The following TREM1 variants were observed in gnomAD, a reference collection of about 807,000 sequenced individuals.
TREM1 encodes the protein triggering receptor expressed on myeloid cells 1.
TREM1 carries 16 observed loss-of-function variants against 22.4 expected under a neutral mutation model. The ratio of observed to expected loss-of-function variants is 0.71; its 90% CI spans 0.48 to 1.08. The LOEUF (loss-of-function observed/expected upper bound fraction) is 1.08, where lower values mean the gene tolerates loss of function less well. TREM1 is among the 50% of genes least tolerant of loss of function. TREM1 has a pLI of 0.00. For synonymous variants in TREM1, 110 were observed against 111.6 expected (o/e 0.99, Z 0.09); for missense variants, 283 against 282.9 (o/e 1.00, Z 0.00).
At chr6:41,282,232 G>A in intron 2 of TREM1, 163 bp downstream of exon 2, 1 of 614,956 alleles carries the variant, frequency 1.6e-6, no homozygotes, top group Non-Finnish European at 2.9e-6. Flanking sequence ...AGAATCTCAT[G>A]CATGGAAGGT....
At chr6:41,270,987 C>A (rs1029347512), downstream of TREM1, among the ~76,000 whole-genome samples, 3 of 152,264 alleles carry the variant, frequency 2.0e-5, no homozygotes, top group East Asian at 5.8e-4. Context: ...ATTACAGGTG[C>A]GAGCCATAGC....
rs563886829 is a variant in TREM1, at chr6:41,279,995, C to T, written c.599+966G>A. The T allele has an allele frequency of 5.1e-6, 5 of 979,918 alleles. No homozygotes were observed. The Admixed American group carries it at 1.8e-4, about 36-fold the overall frequency. The allele number at this position is 979,918 out of a possible 1,614,324, so 60.7% of individuals were successfully genotyped here. A position where few individuals can be genotyped will look rare whatever the true frequency, so the allele number is the denominator to read the frequency against. On this transcript the variant is annotated intron_variant, in intron 3 of 3. Transcript: ENST00000244709. ...AGGCCAATGGTTATGTAAGTTATGGCTTTCCCAATTGATAGAAAAATATGC... is the reference window on the plus strand; with the variant it reads ...AGGCCAATGGTTATGTAAGTTATGGTTTTCCCAATTGATAGAAAAATATGC...
rs183024091 is a variant in TREM1, at chr6:41,282,037, T to C, written c.406+358A>G. ...CAGGTGGTCTGTGCCCACAGAAAGA[T>C]GTGAGAGGGGCTGCTTCAGAAGCAC... On this transcript the variant is annotated intron_variant, in intron 2 of 3. Transcript: ENST00000244709. 4.6e-5 allele frequency: 11 copies of C among 237,030 alleles called. No individual in the cohort carries two copies. In the Middle Eastern group the frequency reaches 0.011, roughly 239 times the overall value. The allele number at this position is 237,030 out of a possible 1,614,324, so 14.7% of individuals were successfully genotyped here.
Position 41,286,651 on chromosome 6 carries a change from C to T in TREM1, c.5G>A (p.Arg2Lys), listed in dbSNP as rs1476196885. 1 of 1,614,090 alleles carries T rather than the reference C, an allele frequency of 6.2e-7. No homozygotes were observed. The highest frequency in any genetic ancestry group is 8.5e-7 in the Non-Finnish European group (1 of 1,179,990). Residue 2 changes from arginine (R) to lysine (K), a missense_variant, in exon 1 of 4, where the codon AGG becomes AAG. Coordinates refer to ENST00000244709, the MANE Select transcript of TREM1 (RefSeq NM_018643.5). The part of the protein sequence containing the change: M[R>K]KTRLWGLLWM... ...CAGCAGCCCCCAGAGCCTGGTCTTC[C>T]TCATCCTTCCTGTGCACCAGCTCCA...
Position 41,282,453 on chromosome 6 carries a change from G to T in TREM1, c.348C>A (p.Tyr116Ter). ...EDSGLYQCVI[Y>*]QPPKEPHMLF... ...GCATGTGAGGCTCCTTGGGAGGCTG[G>T]TAGATCACACACTGATACAGTCCAG... Residue 116 changes from tyrosine (Y) to a stop codon, truncating the protein, a stop_gained, in exon 2 of 4, where the codon TAC (tyrosine) becomes TAA (stop). Transcript: ENST00000244709. LOFTEE classifies it high-confidence loss of function. 1 of 1,614,078 alleles carries T rather than the reference G, an allele frequency of 6.2e-7. No homozygotes were observed. Among genetic ancestry groups the T allele is most frequent in the Non-Finnish European group, 8.5e-7 (1 of 1,180,010 alleles).
chr6:41,276,416 T>C (rs1767673847), intron 3 of TREM1, among the ~76,000 whole-genome samples, 186 bp from the exon 4 acceptor site: 1 of 152,144 alleles, frequency 6.6e-6, no homozygotes, highest in South Asian at 2.1e-4. Context: ...TAGAAACAAT[T>C]CAGTGGAGAG....
intron 1 of TREM1, among the ~76,000 whole-genome samples, chr6:41,283,470 G>A (rs1768018673): frequency 6.6e-6 from 1 of 152,164 alleles, no homozygotes. Context: ...CACACTTTGG[G>A]AGGATGAGGA....
chr6:41,274,674 C>T lies in TREM1; in HGVS notation c.*1451G>A, dbSNP rs534162784. Among the ~76,000 whole-genome samples, 4 of 152,184 alleles carry T rather than the reference C, an allele frequency of 2.6e-5. No individual in the cohort carries two copies. The highest frequency in any genetic ancestry group is 6.5e-5 in the Admixed American group (1 of 15,274). Reference sequence around the variant, plus strand: ...ACACCTTCTAATGGGCTCAAAATTGCGGTTCAGAAATCATCTCTCTAGGGT... The same window carrying T: ...ACACCTTCTAATGGGCTCAAAATTGTGGTTCAGAAATCATCTCTCTAGGGT... On this transcript the variant is annotated 3_prime_UTR_variant, in exon 4 of 4. Transcript: ENST00000244709.
intron 2 of TREM1, 193 bp from the exon 3 acceptor site, chr6:41,281,346 G>T (rs1482843094): frequency 1.5e-6 from 1 of 645,498 alleles, no homozygotes; most frequent in African/African-American, 1.8e-5. Context: ...TAAAGCCAAA[G>T]AAATACTGTG....
chr6:41,280,895 GCA>G, intron 3 of TREM1, 64 bp downstream of exon 3: 3 of 1,611,280 alleles, frequency 1.9e-6, no homozygotes, highest in Non-Finnish European at 2.5e-6. Flanking sequence ...CATCCTCTCA[GCA>G]CACAGACTGG....
downstream of TREM1, among the ~76,000 whole-genome samples, chr6:41,272,357 C>G (rs748665294): frequency 1.3e-5 from 2 of 152,178 alleles, no homozygotes; most frequent in Non-Finnish European, 2.9e-5. Context: ...CCCTACAACC[C>G]GCAAGCCTGC....
intron 3 of TREM1, among the ~76,000 whole-genome samples, chr6:41,277,082 AC>A (rs1040211547): frequency 2.3e-4 from 35 of 152,008 alleles, no homozygotes; most frequent in East Asian, 1.2e-3. Context: ...TAAAAAAAAA[AC>A]AATCCAAGAA....
Position 41,274,459 on chromosome 6 carries a change from GC to G in TREM1, c.*1665del, listed in dbSNP as rs1767585289. ...CATAAACAGGAACAATGCTGGGATT[GC>G]TAAAGTGTGGGGTTCCAGACCAGCA... On this transcript the variant is annotated 3_prime_UTR_variant, in exon 4 of 4. Transcript: ENST00000244709. 6.6e-6 allele frequency among the ~76,000 whole-genome samples: 1 copy of G among 152,148 alleles called. No homozygotes were observed. Among genetic ancestry groups the G allele is most frequent in the African/African-American group, 2.4e-5 (1 of 41,440 alleles).
intron 3 of TREM1, among the ~76,000 whole-genome samples, chr6:41,279,361 A>T (rs1163433524): frequency 6.6e-6 from 1 of 152,206 alleles, no homozygotes; most frequent in African/African-American, 2.4e-5. Context: ...TCACTGCTTC[A>T]TTCCTTTGTT....
chr6:41,286,029 G>C (rs1768152680), intron 1 of TREM1, among the ~76,000 whole-genome samples: 3 of 152,206 alleles, frequency 2.0e-5, no homozygotes, highest in Admixed American at 2.0e-4. Flanking sequence ...CGTAAGAGGA[G>C]ACACAAGAAA....
downstream of TREM1, among the ~76,000 whole-genome samples, chr6:41,270,772 G>A (rs1199151490): frequency 1.3e-5 from 2 of 152,102 alleles, no homozygotes; most frequent in Non-Finnish European, 2.9e-5. Flanking sequence ...GTGCAGTGGT[G>A]CAATCACTGC....
At chr6:41,277,485 GTCCTGGCT>G (rs938959231) in intron 3 of TREM1, among the ~76,000 whole-genome samples, 3 of 152,190 alleles carry the variant, frequency 2.0e-5, no homozygotes, top group African/African-American at 7.2e-5. Flanking sequence ...CAACCTGAAT[GTCCTGGCT>G]TCCGGGCTCT....
At chr6:41,280,602 G>A in intron 3 of TREM1, 1 of 1,283,112 alleles carries the variant, frequency 7.8e-7, no homozygotes, top group African/African-American at 1.5e-5. Context: ...CAGTTAGTCA[G>A]GCCAACACTA....
intron 3 of TREM1, among the ~76,000 whole-genome samples, chr6:41,277,907 C>CTTTTT (rs11341322): frequency 9.0e-6 from 1 of 111,348 alleles, no homozygotes; most frequent in Non-Finnish European, 1.8e-5. Context: ...TTCTTTTTGT[C>CTTTTT]TTTTTTTTTT....
Sources: allele counts gnomAD v4.1 joint callset (sites outside exome capture counted in the v4.1 genomes callset), GRCh38; gene constraint gnomAD v4.1.1; transcripts MANE v1.5; gene names NCBI Gene and HGNC (gene_info 2026-07-23, HGNC 2026-07-21).